Variants in MYH9 observed in about 807,000 individuals in gnomAD.
The protein encoded by MYH9 is myosin heavy chain 9, also known as myosin-9.
In MYH9, 29 loss-of-function variants were observed where a neutral mutation model predicts 241.9. The observed-to-expected ratio is 0.12, with a 90% confidence interval of 0.09 to 0.16. The LOEUF (loss-of-function observed/expected upper bound fraction) is 0.16. Ranked by LOEUF, MYH9 falls within the 10% of genes least tolerant of loss-of-function variation. MYH9 has a pLI of 1.00. For missense variants in MYH9, 1,803 were observed against 2,595.5 expected, an observed-to-expected ratio of 0.69 and a Z score of 6.63; for synonymous variants, 1,047 against 1,062.6, an observed-to-expected ratio of 0.99 and a Z score of 0.29.
chr22:36,340,744 G>A (rs891011071), intron 3 of MYH9, among the ~76,000 whole-genome samples: 13 of 152,074 alleles, frequency 8.5e-5, no homozygotes, highest in African/African-American at 2.4e-4. Flanking sequence ...CCTGAGAGCC[G>A]TGGACTTAGC....
At chr22:36,303,758 C>G (rs2016923585) in intron 19 of MYH9, among the ~76,000 whole-genome samples, 1 of 144,268 alleles carries the variant, frequency 6.9e-6, no homozygotes, top group Non-Finnish European at 1.5e-5. Context: ...GCACTCCAGC[C>G]TGGGCGACAG....
At position 36,326,922 on chromosome 22, in the gene MYH9, C is replaced by T. The variant is rs1308236027; in HGVS notation, c.519-261G>A. 3.3e-5 allele frequency among the ~76,000 whole-genome samples: 5 copies of T among 152,174 alleles called. No homozygotes were observed. In the East Asian group the frequency reaches 9.6e-4, roughly 29 times the overall value. ...CTTGTCAGGGCAAGTGACTTCACAT[C>T]CAAGTGTTTTAAAAATCAGTTTTAG... On this transcript the variant is annotated intron_variant, in intron 4 of 40. Transcript: ENST00000216181.
intron 3 of MYH9, among the ~76,000 whole-genome samples, chr22:36,334,415 G>C (rs1389304571): frequency 6.6e-6 from 1 of 152,228 alleles, no homozygotes; most frequent in Admixed American, 6.5e-5. Context: ...AACCAACTCT[G>C]GATCAAGCAC....
chr22:36,299,648 C>T (rs2016843186), intron 23 of MYH9, among the ~76,000 whole-genome samples: 1 of 152,166 alleles, frequency 6.6e-6, no homozygotes, highest in Non-Finnish European at 1.5e-5. Flanking sequence ...GGGAGGCTGC[C>T]TTCTCCTGCC....
rs188749781 is a variant in MYH9, at chr22:36,371,815, G to A, written c.-20+15992C>T. Reference sequence around the variant, plus strand: ...CTCCCAAAGTGCTGGGATTACAGGCGTAAGCCACCACACCCAGCTGCCTGA... The same window carrying A: ...CTCCCAAAGTGCTGGGATTACAGGCATAAGCCACCACACCCAGCTGCCTGA... On this transcript the variant is annotated intron_variant, in intron 1 of 40. Transcript: ENST00000216181. Among the ~76,000 whole-genome samples, 88 of 152,100 alleles carry A rather than the reference G, an allele frequency of 5.8e-4. 1 individual carries two copies. The East Asian group carries it at 0.01, about 18-fold the overall frequency.
At chr22:36,326,001 C>T (rs567209478) in intron 5 of MYH9, among the ~76,000 whole-genome samples, 7 of 152,334 alleles carry the variant, frequency 4.6e-5, no homozygotes, top group African/African-American at 1.4e-4. Flanking sequence ...CAGTGCAGAA[C>T]GTGCAGTAAA....
At chr22:36,377,726 G>A (rs902230374) in intron 1 of MYH9, among the ~76,000 whole-genome samples, 6 of 151,398 alleles carry the variant, frequency 4.0e-5, no homozygotes, top group Non-Finnish European at 8.8e-5. Flanking sequence ...TGGCTAACAC[G>A]GTGAAACCCC....
chr22:36,307,513 T>C (rs1248493621), intron 15 of MYH9, among the ~76,000 whole-genome samples: 2 of 152,246 alleles, frequency 1.3e-5, no homozygotes, highest in African/African-American at 2.4e-5. Flanking sequence ...AGATTACTAT[T>C]ATTTACTTGA....
chr22:36,383,239 A>G (rs2018286748), intron 1 of MYH9, among the ~76,000 whole-genome samples: 1 of 152,124 alleles, frequency 6.6e-6, no homozygotes, highest in Admixed American at 6.6e-5. Flanking sequence ...TCAAAAAACA[A>G]AAAGGAAATC....
At chr22:36,376,704 T>C (rs887195420) in intron 1 of MYH9, among the ~76,000 whole-genome samples, 4 of 152,210 alleles carry the variant, frequency 2.6e-5, no homozygotes, top group African/African-American at 9.6e-5. Flanking sequence ...TTCTGTAAAA[T>C]GAAGAGGTCA....
rs182032525 is a variant in MYH9, at chr22:36,297,280, C to A, written c.3101-266G>T. 144 of 514,452 alleles carry A rather than the reference C, an allele frequency of 2.8e-4. No individual in the cohort carries two copies. In the East Asian group the frequency reaches 4.1e-3, roughly 15 times the overall value. 31.9% of individuals were successfully genotyped at this position (514,452 alleles called of 1,614,324 possible). Reference sequence around the variant, plus strand: ...TCTCCTAAAGCTGGTGTTTGTAATTCCCTTGGTTCCCTTGAAGGCTGTACC... The same window carrying A: ...TCTCCTAAAGCTGGTGTTTGTAATTACCTTGGTTCCCTTGAAGGCTGTACC... On this transcript the variant is annotated intron_variant, in intron 24 of 40. Transcript: ENST00000216181.
At chr22:36,303,530 C>A (rs1285658443) in intron 19 of MYH9, among the ~76,000 whole-genome samples, 1 of 151,814 alleles carries the variant, frequency 6.6e-6, no homozygotes. Flanking sequence ...TGCCTGTAAT[C>A]CCAGCACTTT....
chr22:36,346,982 A>G (rs1243135838), intron 2 of MYH9, among the ~76,000 whole-genome samples: 1 of 152,168 alleles, frequency 6.6e-6, no homozygotes, highest in African/African-American at 2.4e-5. Flanking sequence ...CCAAAGTTCA[A>G]GGTGGCTAGG....
rs8136069 is a variant in MYH9, at chr22:36,326,445, C to A, written c.612+123G>T. On this transcript the variant is annotated intron_variant, in intron 5 of 40. Coordinates refer to ENST00000216181, the MANE Select transcript of MYH9 (RefSeq NM_002473.6). ...ACTGCCTCAATGGAAATGGGCCCAG[C>A]CTCTGCTTCATTCCCCAAAGCATCC... The A allele has an allele frequency of 0.37, 353,646 of 948,970 alleles. 72,700 individuals are homozygous for A. Among genetic ancestry groups the A allele is most frequent in the East Asian group, 0.82 (34,181 of 41,822 alleles). 58.8% of individuals were successfully genotyped at this position (948,970 alleles called of 1,614,324 possible).
rs1267242097 is a variant in MYH9, at chr22:36,300,408, G to A, written c.2839-144C>T. ...CCAGGGCCATGGCTGAGGTGGGGAC[G>A]GCAAGGTCCGCCAGCCCAGGGCCAC... On this transcript the variant is annotated intron_variant, in intron 22 of 40. Transcript: ENST00000216181. This position sits in a 1 kb window ranked among gnomAD's most constrained non-coding sequence, Gnocchi z 5.0. 14 of 1,214,630 alleles carry A rather than the reference G, an allele frequency of 1.2e-5. No individual in the cohort carries two copies. The highest frequency in any genetic ancestry group is 2.7e-4 in the Middle Eastern group (1 of 3,766). 75.2% of individuals were successfully genotyped at this position (1,214,630 alleles called of 1,614,324 possible).
At position 36,292,194 on chromosome 22, in the gene MYH9, C is replaced by T. The variant is rs768412470; in HGVS notation, c.4136G>A (p.Cys1379Tyr). The T allele has an allele frequency of 2.5e-6, 4 of 1,613,986 alleles. No homozygotes were observed. In the East Asian group the frequency reaches 6.7e-5, roughly 27 times the overall value. ...CTTCACCTCCTCAGCAGTTTCCAGG[C>T]ACCCCACACTGTCCTCCATCTTCTT... is the stretch of plus-strand genomic sequence containing the variant. ...MKKKMEDSVG[C>Y]LETAEEVKRK... The change falls in exon 31 of 41, where the codon TGC (cysteine) becomes TAC (tyrosine). Residue 1379 changes from cysteine to tyrosine, a missense_variant. By Grantham distance (194) the Cys-to-Tyr change is radical. Around this residue, in one of 11 missense-constraint regions of MYH9, gnomAD observed 876 missense variants for 1,077.8 expected, o/e 0.81. Coordinates refer to ENST00000216181, the MANE Select transcript of MYH9 (RefSeq NM_002473.6).
In MYH9 at chr22:36,282,473, AG is replaced by A; in HGVS notation, c.*194del. 1.4e-6 allele frequency: 1 copy of A among 718,368 alleles called. No individual in the cohort carries two copies. Among genetic ancestry groups the A allele is most frequent in the Non-Finnish European group, 2.5e-6 (1 of 393,202 alleles). The allele number at this position is 718,368 out of a possible 1,614,324, so 44.5% of individuals were successfully genotyped here. On this transcript the variant is annotated 3_prime_UTR_variant, in exon 41 of 41. Transcript: ENST00000216181. ...ATTCTGAGCAGGGGAGGGAGCTGGA[AG>A]GGGATGCAGCAGAGGAAGCCAAATG...
rs5845270 is a variant in MYH9 at position 36,343,548 on chromosome 22, TAAAAAAA to T, written c.334-2029_334-2023del. 1.1e-3 allele frequency among the ~76,000 whole-genome samples: 139 copies of T among 125,016 alleles called. 1 individual carries two copies. Among genetic ancestry groups the T allele is most frequent in the African/African-American group, 4.2e-3 (136 of 32,564 alleles). The allele number at this position is 125,016 out of a possible 152,430, so 82.0% of individuals were successfully genotyped here. ...GGGTGACAGAGGGAGACCCTGCTCT[TAAAAAAA>T]AAAAAAAAAAAAGAGCAGCTGAGCT... On this transcript the variant is annotated intron_variant, in intron 2 of 40. Transcript: ENST00000216181.
At chr22:36,284,822 C>T (rs1165431147) in intron 38 of MYH9, among the ~76,000 whole-genome samples, 6 of 152,192 alleles carry the variant, frequency 3.9e-5, no homozygotes, top group Non-Finnish European at 7.4e-5. Context: ...TCCTGCTGAG[C>T]CCATAGGACA....
Sources: gnomAD v4.1 joint callset for allele counts (sites outside exome capture counted in the v4.1 genomes callset) on GRCh38, gnomAD v4.1.1 for gene constraint, gnomAD v4.1.1 regional missense constraint, Gnocchi (gnomAD v3.1) non-coding constraint, MANE v1.5 for transcripts, NCBI Gene and HGNC (gene_info 2026-07-23, HGNC 2026-07-21) for gene names.